The following CHRNA6 variants were observed in gnomAD, a reference collection of about 807,000 sequenced individuals.
CHRNA6 encodes neuronal acetylcholine receptor subunit alpha-6.
In CHRNA6, 31 loss-of-function variants were observed where a neutral mutation model predicts 40.9. That is an observed-to-expected ratio of 0.76 (90% CI 0.57 to 1.02). CHRNA6 has a LOEUF of 1.02. Among genes scored for constraint, CHRNA6 ranks in the 50% least tolerant of loss-of-function variants. CHRNA6 has a pLI of 0.00. For synonymous variants in CHRNA6, 222 were observed against 221.3 expected, an observed-to-expected ratio of 1.00 and a Z score of -0.03; for missense variants, 546 against 596.6, an observed-to-expected ratio of 0.92 and a Z score of 0.88.
intron 1 of CHRNA6, among the ~76,000 whole-genome samples, chr8:42,766,288 C>T (rs939224982): frequency 3.3e-5 from 5 of 152,056 alleles, no homozygotes; most frequent in African/African-American, 9.7e-5. Context: ...GTCAGGAGAT[C>T]GAGACCATCC....
chr8:42,761,593 T>C (rs1300306263), intron 2 of CHRNA6, among the ~76,000 whole-genome samples: 1 of 152,236 alleles, frequency 6.6e-6, no homozygotes, highest in East Asian at 1.9e-4. Flanking sequence ...GGTATGGACA[T>C]GGCCCATGGG....
At chr8:42,762,401 C>T (rs1816917404) in intron 2 of CHRNA6, among the ~76,000 whole-genome samples, 1 of 152,124 alleles carries the variant, frequency 6.6e-6, no homozygotes, top group African/African-American at 2.4e-5. Flanking sequence ...CTGTAATCCC[C>T]ACTTTGAGAG....
chr8:42,757,756 C>A (rs7015935), intron 3 of CHRNA6, among the ~76,000 whole-genome samples: 1 of 131,666 alleles, frequency 7.6e-6, no homozygotes. Flanking sequence ...AAAAGTGGCC[C>A]GGCGCGATGG....
rs144672585 is a variant in CHRNA6, at chr8:42,765,282, G to C, written c.80-78C>G. On this transcript the variant is annotated intron_variant, in intron 1 of 5. Coordinates refer to ENST00000276410, the MANE Select transcript of CHRNA6 (RefSeq NM_004198.3). ...GCAGCGATTCTAGGCAATTCTTCCCGGGCCCTGTGGGGAGCGAATGTCCCA... is the reference window on the plus strand; with the variant it reads ...GCAGCGATTCTAGGCAATTCTTCCCCGGCCCTGTGGGGAGCGAATGTCCCA... 2.7e-6 allele frequency: 4 copies of C among 1,500,024 alleles called. No individual in the cohort carries two copies. In the South Asian group the frequency reaches 3.6e-5, roughly 13 times the overall value. 92.9% of individuals were successfully genotyped at this position (1,500,024 alleles called of 1,614,324 possible).
intron 2 of CHRNA6, among the ~76,000 whole-genome samples, chr8:42,761,656 G>A (rs147689270): frequency 4.6e-4 from 70 of 152,298 alleles, no homozygotes; most frequent in African/African-American, 1.6e-3. Context: ...GGACCTGTCT[G>A]GCAAGTCATA....
At position 42,755,870 on chromosome 8, in the gene CHRNA6, C is replaced by T. The variant is rs752232974; in HGVS notation, c.1329G>A (p.Met443Ile). Residue 443 changes from methionine (M) to isoleucine (I), a missense_variant, in exon 5 of 6, where the codon ATG (methionine) becomes ATA (isoleucine). Coordinates refer to ENST00000276410, the MANE Select transcript of CHRNA6 (RefSeq NM_004198.3). The part of the protein sequence containing the change: ...INSVQFIAEN[M>I]KSHNETKEVE... The stretch of plus-strand genomic sequence containing the variant: ...CCTCCTTGGTTTCATTGTGGCTCTT[C>T]ATGTTTTCTGCTATGAACTGAACAC... 8.7e-6 allele frequency: 14 copies of T among 1,613,852 alleles called. No homozygotes were observed. Among genetic ancestry groups the T allele is most frequent in the Non-Finnish European group, 1.2e-5 (14 of 1,179,962 alleles).
At position 42,756,535 on chromosome 8, in the gene CHRNA6, A is replaced by G. The variant is rs1330494992; in HGVS notation, c.664T>C (p.Cys222Arg). 1 of 1,614,040 alleles carries G rather than the reference A, an allele frequency of 6.2e-7. No homozygotes were observed. The highest frequency in any genetic ancestry group is 2.2e-5 in the East Asian group (1 of 44,886). Residue 222 changes from cysteine to arginine, a missense_variant, in exon 5 of 6, where the codon TGT becomes CGT. This residue lies in a region of CHRNA6 where 476 missense variants were observed against 494.5 expected (regional missense o/e 0.96). Transcript: ENST00000276410. ...ATATCTGTGTATATCTCTTCACAAC[A>G]GTTGTATTTGATGTCATGTTTGTAG... ...SGYKHDIKYN[C>R]CEEIYTDITY...
chr8:42,760,267 GCA>G (rs1165029468), intron 2 of CHRNA6, among the ~76,000 whole-genome samples: 6 of 150,056 alleles, frequency 4.0e-5, no homozygotes, highest in African/African-American at 1.5e-4. Flanking sequence ...ACACACTCAT[GCA>G]CACACATTCA....
At chr8:42,763,659 A>T (rs1257159200) in intron 2 of CHRNA6, among the ~76,000 whole-genome samples, 3 of 152,174 alleles carry the variant, frequency 2.0e-5, no homozygotes, top group Non-Finnish European at 4.4e-5. Context: ...ACCAGGAACC[A>T]GGACAAAGCT....
In CHRNA6 at chr8:42,756,305, C is replaced by T; in HGVS notation, c.894G>A (p.Leu298=). The change falls in exon 5 of 6, where the codon CTG becomes CTA. Residue 298 remains leucine, a synonymous_variant. Transcript: ENST00000276410. ...VITETIPSTS[L]VVPLVGEYLL... The stretch of plus-strand genomic sequence containing the variant: ...GGTACTCACCCACCAGTGGGACCAC[C>T]AGAGATGTGGATGGGATGGTTTCTG... 6.2e-7 allele frequency: 1 copy of T among 1,614,194 alleles called. No individual in the cohort carries two copies. The highest frequency in any genetic ancestry group is 8.5e-7 in the Non-Finnish European group (1 of 1,180,034).
chr8:42,753,460 G>C (rs1158305336), intron 5 of CHRNA6, 150 bp from the exon 6 acceptor site: 1 of 724,358 alleles, frequency 1.4e-6, no homozygotes, highest in Admixed American at 2.6e-5. Context: ...GATCATCTGA[G>C]GTCTGGAGTT....
rs750186865 is a variant in CHRNA6 at position 42,753,196 on chromosome 8, T to C, written c.1468A>G (p.Asn490Asp). Residue 490 changes from asparagine to aspartate, a missense_variant, in exon 6 of 6, where the codon AAC (asparagine) becomes GAC (aspartate). Transcript: ENST00000276410. Reference protein sequence around the residue: ...AGLFLQPLLGNTGKS With the variant: ...AGLFLQPLLGDTGKS The stretch of plus-strand genomic sequence containing the variant: ...AATACATTTTAAGATTTTCCTGTGT[T>C]CCCAAGTAGTGGCTGTAGAAATAGC... 1 of 1,598,876 alleles carries C rather than the reference T, an allele frequency of 6.3e-7. No individual in the cohort carries two copies. Among genetic ancestry groups the C allele is most frequent in the South Asian group, 1.1e-5 (1 of 87,182 alleles).
Position 42,756,910 on chromosome 8 carries a change from G to A in CHRNA6, c.374+18C>T. On this transcript the variant is annotated intron_variant, in intron 4 of 5. Transcript: ENST00000276410. ...ACAGCAGCTTTGGAAAGAGGCTACG[G>A]TGGTCAGAGACCCATACTTGTTATA... 6.2e-7 allele frequency: 1 copy of A among 1,610,742 alleles called. No homozygotes were observed.
rs574186916 is a variant in CHRNA6, at chr8:42,759,577, C to T, written c.220-464G>A. 6.4e-4 allele frequency among the ~76,000 whole-genome samples: 97 copies of T among 152,152 alleles called. 1 individual carries two copies. Among genetic ancestry groups the T allele is most frequent in the Non-Finnish European group, 1.1e-3 (78 of 67,990 alleles). ...TCTCTGGGCTCTGAGTCCTGAGACCCCTGCCCTGGGATCCTATCTTGAAAT... is the reference window on the plus strand; with the variant it reads ...TCTCTGGGCTCTGAGTCCTGAGACCTCTGCCCTGGGATCCTATCTTGAAAT... On this transcript the variant is annotated intron_variant, in intron 2 of 5. Coordinates refer to ENST00000276410, the MANE Select transcript of CHRNA6 (RefSeq NM_004198.3).
intron 2 of CHRNA6, among the ~76,000 whole-genome samples, chr8:42,759,895 CAAAAAA>C (rs796621742): frequency 1.0e-5 from 1 of 99,434 alleles, no homozygotes; most frequent in Non-Finnish European, 2.2e-5. Flanking sequence ...GACTCCATCT[CAAAAAA>C]AAAAAAAAAA....
chr8:42,762,870 G>A (rs181433362), intron 2 of CHRNA6, among the ~76,000 whole-genome samples: 243 of 152,224 alleles, frequency 1.6e-3, no homozygotes, highest in Admixed American at 2.8e-3. Flanking sequence ...CAGATTAGTG[G>A]GAGAAACAGG....
intron 5 of CHRNA6, among the ~76,000 whole-genome samples, chr8:42,754,861 C>T (rs1055234048): frequency 1.3e-5 from 2 of 152,146 alleles, no homozygotes; most frequent in African/African-American, 4.8e-5. Context: ...ATTTCACCAG[C>T]ACCTAAATCC....
chr8:42,762,782 A>T (rs112490504), intron 2 of CHRNA6, among the ~76,000 whole-genome samples: 121 of 152,318 alleles, frequency 7.9e-4, no homozygotes, highest in Middle Eastern at 3.4e-3. Context: ...GGAAAAACCC[A>T]GTCCCACAAG....
At chr8:42,754,715 C>T (rs1452069476) in intron 5 of CHRNA6, among the ~76,000 whole-genome samples, 1 of 152,228 alleles carries the variant, frequency 6.6e-6, no homozygotes, top group Non-Finnish European at 1.5e-5. Flanking sequence ...TTCCGCTAGT[C>T]ACCCACATGG....
Sources: allele counts gnomAD v4.1 joint callset (sites outside exome capture counted in the v4.1 genomes callset), GRCh38; gene constraint gnomAD v4.1.1; regional missense constraint gnomAD v4.1.1; transcripts MANE v1.5; gene names NCBI Gene and HGNC (gene_info 2026-07-23, HGNC 2026-07-21).